Variants in ZNF469 observed in about 807,000 individuals in gnomAD.
The protein encoded by ZNF469 is zinc finger protein 469.
In ZNF469, 1 loss-of-function variant was observed where a neutral mutation model predicts 1.0. The observed-to-expected ratio is 1.00, with a 90% CI of 0.35 to 4.73. The LOEUF (loss-of-function observed/expected upper bound fraction) is 4.73. ZNF469 is among the 30% of genes most tolerant of loss of function. The probability of loss-of-function intolerance (pLI) is 0.16; values close to 1 mark genes in which losing one functional copy is unlikely to be tolerated. For synonymous variants in ZNF469, 2,703 were observed against 2,363.4 expected (o/e 1.14, Z -4.17); for missense variants, 6,100 against 5,356.3 (o/e 1.14, Z -4.33).
chr16:88,374,695 T>C, the ZNF469 span, among the ~76,000 whole-genome samples: 12 of 152,232 alleles, frequency 7.9e-5, no homozygotes, highest in African/African-American at 2.9e-4. Context: ...GAGCTGCGTG[T>C]GCAGTGGGCT....
chr16:88,414,289 C>G (rs575793447), intron 1 of ZNF469, among the ~76,000 whole-genome samples: 1 of 152,248 alleles, frequency 6.6e-6, no homozygotes, highest in African/African-American at 2.4e-5. Flanking sequence ...GATCCCATCA[C>G]GCCCGGGCTT....
the ZNF469 span, among the ~76,000 whole-genome samples, chr16:88,202,087 G>A: frequency 6.6e-6 from 1 of 152,242 alleles, no homozygotes; most frequent in South Asian, 2.1e-4. Context: ...GCCACCCCAC[G>A]GGCAGTGGCC....
At chr16:88,149,695 C>T in the ZNF469 span, among the ~76,000 whole-genome samples, 35 of 152,244 alleles carry the variant, frequency 2.3e-4, 1 homozygote, top group East Asian at 6.8e-3. Context: ...CAGCAGCTCC[C>T]GGAGACACGG....
At chr16:88,359,412 T>C in the ZNF469 span, among the ~76,000 whole-genome samples, 1 of 152,142 alleles carries the variant, frequency 6.6e-6, no homozygotes, top group South Asian at 2.1e-4. Flanking sequence ...GCGGGCTCGG[T>C]ATCCTGCCCA....
the ZNF469 span, among the ~76,000 whole-genome samples, chr16:88,285,573 G>A: frequency 6.6e-6 from 1 of 152,378 alleles, no homozygotes; most frequent in East Asian, 1.9e-4. Context: ...CAGGACCCGA[G>A]GCCCACCTGT....
chr16:88,428,730 G>C lies in ZNF469; in HGVS notation c.1260G>C (p.Pro420=). ...GAGCCAGTGGGGTGGACACCAGCCC[G>C]GGGCCTCCGGACACCGAGCTGGCCG... ...AYRASGVDTS[P]GPPDTELAAP... Residue 420 remains proline, a synonymous_variant, in exon 3 of 3, where the codon CCG becomes CCC. Transcript: ENST00000565624. The C allele has an allele frequency of 1.3e-6, 2 of 1,547,362 alleles. No homozygotes were observed. The highest frequency in any genetic ancestry group is 1.7e-6 in the Non-Finnish European group (2 of 1,146,620).
chr16:88,384,929 C>T (rs2092533904), intron 1 of ZNF469, among the ~76,000 whole-genome samples: 1 of 152,158 alleles, frequency 6.6e-6, no homozygotes, highest in South Asian at 2.1e-4. Context: ...CTGTTCCAGC[C>T]ATTCCTGCAG....
At chr16:88,241,101 G>T in the ZNF469 span, among the ~76,000 whole-genome samples, 2 of 152,208 alleles carry the variant, frequency 1.3e-5, no homozygotes, top group Admixed American at 1.3e-4. The surrounding 1 kb of genome is among the most constrained non-coding windows in gnomAD (Gnocchi z 4.8). Context: ...GGGCGCAGTG[G>T]CTCACGCCTG....
chr16:88,189,570 G>T, the ZNF469 span, among the ~76,000 whole-genome samples: 1 of 152,196 alleles, frequency 6.6e-6, no homozygotes, highest in African/African-American at 2.4e-5. This position sits in a 1 kb window ranked among gnomAD's most constrained non-coding sequence, Gnocchi z 4.3. Context: ...CACTAGGTTG[G>T]GTGCTGGGGA....
At chr16:88,339,833 C>T in the ZNF469 span, among the ~76,000 whole-genome samples, 1 of 56,900 alleles carries the variant, frequency 1.8e-5, no homozygotes, top group Admixed American at 2.3e-4. Context: ...GGCAGGATGG[C>T]AGGGGGATGG....
the ZNF469 span, among the ~76,000 whole-genome samples, chr16:88,260,772 A>G: frequency 1.3e-5 from 2 of 152,202 alleles, no homozygotes; most frequent in Non-Finnish European, 2.9e-5. This position sits in a 1 kb window ranked among gnomAD's most constrained non-coding sequence, Gnocchi z 4.1. Context: ...ACAGAAAAAA[A>G]GGGTCTCTGC....
the ZNF469 span, among the ~76,000 whole-genome samples, chr16:88,188,644 T>A: frequency 2.0e-5 from 3 of 152,020 alleles, no homozygotes; most frequent in African/African-American, 4.8e-5. Flanking sequence ...CCCCAGAACT[T>A]GCGTATCAAA....
the ZNF469 span, among the ~76,000 whole-genome samples, chr16:88,159,227 T>TCCTAG: frequency 6.9e-6 from 1 of 145,206 alleles, no homozygotes; most frequent in Admixed American, 6.9e-5. Flanking sequence ...CTCACCGTCC[T>TCCTAG]GCAGCGTCTG....
the ZNF469 span, among the ~76,000 whole-genome samples, chr16:88,258,011 C>G: frequency 6.6e-6 from 1 of 152,208 alleles, no homozygotes; most frequent in Non-Finnish European, 1.5e-5. Context: ...CTCTGATGCC[C>G]TCTATGAAGT....
chr16:88,128,217 G>T, the ZNF469 span, among the ~76,000 whole-genome samples: 1 of 152,126 alleles, frequency 6.6e-6, no homozygotes, highest in South Asian at 2.1e-4. Context: ...CAAGGGTTGA[G>T]CCCCTGAGGG....
Position 88,429,029 on chromosome 16 carries a change from C to G in ZNF469, c.1559C>G (p.Ala520Gly), listed in dbSNP as rs1392439676. The G allele has an allele frequency of 6.5e-7, 1 of 1,549,438 alleles. No individual in the cohort carries two copies. The highest frequency in any genetic ancestry group is 8.7e-7 in the Non-Finnish European group (1 of 1,146,814). Residue 520 changes from alanine to glycine, a missense_variant, in exon 3 of 3, where the codon GCC becomes GGC. Ala to Gly is a moderately conservative substitution (Grantham distance 60). Transcript: ENST00000565624. ...GAGTGGCAGGGGGGCAGCCAAGGAG[C>G]CCTGGGCACTGCTGGCAAGACACCG... ...GPEWQGGSQG[A>G]LGTAGKTPGP... is the part of the protein sequence containing the mutation.
At chr16:88,330,458 G>A in the ZNF469 span, among the ~76,000 whole-genome samples, 489 of 152,344 alleles carry the variant, frequency 3.2e-3, no homozygotes, top group Non-Finnish European at 4.4e-3. Context: ...TCTCCACACC[G>A]TCCTTAGCAC....
chr16:88,228,334 A>C, the ZNF469 span, among the ~76,000 whole-genome samples: 1 of 152,230 alleles, frequency 6.6e-6, no homozygotes, highest in African/African-American at 2.4e-5. Flanking sequence ...GACAGCACAC[A>C]CGGCGCCTGG....
intron 1 of ZNF469, among the ~76,000 whole-genome samples, chr16:88,388,389 G>A (rs572779350): frequency 4.7e-4 from 72 of 152,382 alleles, no homozygotes; most frequent in Non-Finnish European, 7.8e-4. Context: ...AGCAGCCATT[G>A]AGGCTTTCCT....
Sources: gnomAD v4.1 joint callset for allele counts (sites outside exome capture counted in the v4.1 genomes callset) on GRCh38, gnomAD v4.1.1 for gene constraint, Gnocchi (gnomAD v3.1) non-coding constraint, MANE v1.5 for transcripts, NCBI Gene and HGNC (gene_info 2026-07-23, HGNC 2026-07-21) for gene names.